Variants in SAXO1 observed in about 807,000 individuals in gnomAD.
SAXO1 encodes the protein stabilizer of axonemal microtubules 1, also known as 4930500O09Rik.
In SAXO1, 21 loss-of-function variants were observed where a neutral mutation model predicts 17.5. The ratio of observed to expected loss-of-function variants is 1.20; its 90% confidence interval spans 0.85 to 1.72. The LOEUF (loss-of-function observed/expected upper bound fraction) is 1.72, where lower values mean the gene tolerates loss of function less well. Among genes scored for constraint, SAXO1 ranks in the 40% most tolerant of loss-of-function variants. SAXO1 has a pLI of 0.00. For synonymous variants in SAXO1, 274 were observed against 216.5 expected, an observed-to-expected ratio of 1.27 and a Z score of -2.33; for missense variants, 843 against 596.0, an observed-to-expected ratio of 1.41 and a Z score of -4.32.
intron 3 of SAXO1, among the ~76,000 whole-genome samples, chr9:18,935,924 G>A (rs1338721546): frequency 6.6e-6 from 1 of 152,216 alleles, no homozygotes; most frequent in Non-Finnish European, 1.5e-5. Context: ...TGAAACAGCA[G>A]GGGTGGGGAT....
At chr9:18,958,125 A>T (rs1832328769) in intron 1 of SAXO1, among the ~76,000 whole-genome samples, 1 of 152,096 alleles carries the variant, frequency 6.6e-6, no homozygotes, top group Non-Finnish European at 1.5e-5. Context: ...ATGATCAGGG[A>T]TCATAAACCA....
intron 2 of SAXO1, among the ~76,000 whole-genome samples, chr9:18,943,217 G>T (rs920713695): frequency 3.9e-5 from 6 of 152,214 alleles, no homozygotes; most frequent in Admixed American, 1.3e-4. Context: ...GAGGAAATGG[G>T]AGATGCTTCA....
intron 2 of SAXO1, among the ~76,000 whole-genome samples, chr9:18,949,181 G>A (rs1459158117): frequency 6.6e-6 from 1 of 152,158 alleles, no homozygotes; most frequent in African/African-American, 2.4e-5. Flanking sequence ...AAACTACAAT[G>A]TTTTAATACA....
chr9:18,947,248 C>T (rs564958752), intron 2 of SAXO1, among the ~76,000 whole-genome samples: 21 of 152,272 alleles, frequency 1.4e-4, no homozygotes, highest in Non-Finnish European at 3.1e-4. Context: ...ATATAAAATT[C>T]AATGGGCAGT....
intron 1 of SAXO1, among the ~76,000 whole-genome samples, chr9:18,955,932 T>A (rs1832239195): frequency 1.6e-5 from 1 of 63,054 alleles, no homozygotes; most frequent in Non-Finnish European, 3.6e-5. Flanking sequence ...GAGCCTCTAC[T>A]TTTAAACTTT....
intron 1 of SAXO1, among the ~76,000 whole-genome samples, chr9:18,995,312 T>C (rs1486246475): frequency 1.3e-5 from 2 of 152,230 alleles, no homozygotes; most frequent in Non-Finnish European, 2.9e-5. Context: ...GAAGCTGGCA[T>C]CAGCCAGTCT....
At chr9:19,015,077 G>C (rs12377956) in intron 1 of SAXO1, among the ~76,000 whole-genome samples, 1 of 152,154 alleles carries the variant, frequency 6.6e-6, no homozygotes, top group South Asian at 2.1e-4. Context: ...CTGGTGTCAC[G>C]TGTCAAAGCT....
chr9:19,048,467 A>G (rs1836274090), intron 1 of SAXO1, among the ~76,000 whole-genome samples: 1 of 152,170 alleles, frequency 6.6e-6, no homozygotes, highest in South Asian at 2.1e-4. Context: ...AAAAGAAAAA[A>G]AAAGGACTTT....
rs1798686768 is a variant in SAXO1, at chr9:19,033,033, C to G, written c.-125G>C. 1 of 1,031,776 alleles carries G rather than the reference C, an allele frequency of 9.7e-7. No homozygotes were observed. The highest frequency in any genetic ancestry group is 1.3e-6 in the Non-Finnish European group (1 of 746,280). The allele number at this position is 1,031,776 out of a possible 1,614,324, so 63.9% of individuals were successfully genotyped here. On this transcript the variant is annotated 5_prime_UTR_variant, in exon 1 of 4. Coordinates refer to ENST00000380534, the MANE Select transcript of SAXO1 (RefSeq NM_153707.4). ...GGTCTTGGCAGGTGTTCTGTTTACT[C>G]GAAGGAAAATTTAAGTGGCCCTTTT...
At chr9:19,006,599 C>T (rs1466720991) in intron 1 of SAXO1, among the ~76,000 whole-genome samples, 11 of 152,122 alleles carry the variant, frequency 7.2e-5, no homozygotes, top group Admixed American at 7.2e-4. Flanking sequence ...TAAAGGACAC[C>T]AGGGCAGGAT....
rs1834217191 is a variant in SAXO1 at position 19,000,471 on chromosome 9, G to A, written c.38+32400C>T. 2.0e-5 allele frequency among the ~76,000 whole-genome samples: 3 copies of A among 151,924 alleles called. No individual in the cohort carries two copies. The South Asian group carries it at 6.2e-4, about 32-fold the overall frequency. On this transcript the variant is annotated intron_variant, in intron 1 of 3. Coordinates refer to ENST00000380534, the MANE Select transcript of SAXO1 (RefSeq NM_153707.4). ...GCCGCCCCACCGTCTGGGATGTGAG[G>A]AGTGCCTCTGCCCGCCCACTGCCCT...
rs575487494 is a variant in SAXO1 at position 18,962,059 on chromosome 9, T to G, written c.39-11122A>C. On this transcript the variant is annotated intron_variant, in intron 1 of 3. Coordinates refer to ENST00000380534, the MANE Select transcript of SAXO1 (RefSeq NM_153707.4). ...TGGTATCTCATTGTGTGTGTACGGT[T>G]TTTTTAGTTTTTCTTTTTCTTTCTT... 2.0e-5 allele frequency among the ~76,000 whole-genome samples: 3 copies of G among 152,148 alleles called. No individual in the cohort carries two copies. The East Asian group carries it at 5.8e-4, about 29-fold the overall frequency.
intron 3 of SAXO1, among the ~76,000 whole-genome samples, chr9:18,937,659 A>T (rs948195947): frequency 3.9e-5 from 6 of 152,160 alleles, no homozygotes; most frequent in African/African-American, 1.4e-4. Context: ...TAGCACTGCT[A>T]TACAATGACT....
chr9:19,019,647 T>G (rs1388928607), intron 1 of SAXO1, among the ~76,000 whole-genome samples: 1 of 152,030 alleles, frequency 6.6e-6, no homozygotes, highest in African/African-American at 2.4e-5. Flanking sequence ...GAGAAATCAC[T>G]TGAGCCAGGG....
At chr9:18,983,272 T>C (rs1468483370) in intron 1 of SAXO1, among the ~76,000 whole-genome samples, 1 of 152,052 alleles carries the variant, frequency 6.6e-6, no homozygotes, top group African/African-American at 2.4e-5. Context: ...AGGCATGTCT[T>C]ACATGGCAGC....
intron 1 of SAXO1, among the ~76,000 whole-genome samples, chr9:18,972,837 C>G (rs759586742): frequency 6.6e-6 from 1 of 152,208 alleles, no homozygotes; most frequent in Non-Finnish European, 1.5e-5. Flanking sequence ...CACTAAGCCT[C>G]GAGTCCTTCC....
At position 19,030,707 on chromosome 9, in the gene SAXO1, A is replaced by T. The variant is rs377593176; in HGVS notation, c.38+2164T>A. ...AGACTCCATCTCAAAAAAATAAAAA[A>T]AATAAAAAAATAAGAAGAAGAAAAA... On this transcript the variant is annotated intron_variant, in intron 1 of 3. Coordinates refer to ENST00000380534, the MANE Select transcript of SAXO1 (RefSeq NM_153707.4). 7.9e-5 allele frequency among the ~76,000 whole-genome samples: 12 copies of T among 152,264 alleles called. No homozygotes were observed. The South Asian group carries it at 1.4e-3, about 18-fold the overall frequency.
intron 1 of SAXO1, among the ~76,000 whole-genome samples, chr9:18,961,750 G>T (rs558732630): frequency 6.6e-6 from 1 of 152,134 alleles, no homozygotes; most frequent in Non-Finnish European, 1.5e-5. Flanking sequence ...ATGGGCATTT[G>T]GGTGGGTTCC....
At chr9:19,003,922 C>A (rs1449502268) in intron 1 of SAXO1, among the ~76,000 whole-genome samples, 2 of 152,076 alleles carry the variant, frequency 1.3e-5, no homozygotes, top group East Asian at 3.9e-4. Context: ...AGAGCTTCTG[C>A]AAAGCAAAAG....
Sources: allele counts gnomAD v4.1 joint callset (sites outside exome capture counted in the v4.1 genomes callset), GRCh38; gene constraint gnomAD v4.1.1; transcripts MANE v1.5; gene names NCBI Gene and HGNC (gene_info 2026-07-23, HGNC 2026-07-21).